INTS4: variants seen among roughly 807,000 people sequenced by gnomAD.
INTS4 encodes integrator complex subunit 4.
In INTS4, 70 loss-of-function variants were observed where a neutral mutation model predicts 119.5. The observed-to-expected ratio is 0.59, with a 90% CI of 0.48 to 0.71. INTS4 has a LOEUF of 0.71. INTS4 is among the 30% of genes least tolerant of loss of function. The probability of loss-of-function intolerance (pLI) is 0.00; values close to 1 mark genes in which losing one functional copy is unlikely to be tolerated. For synonymous variants in INTS4, 316 were observed against 419.6 expected (o/e 0.75, Z 3.02); for missense variants, 867 against 1,173.2 (o/e 0.74, Z 3.81).
At chr11:77,951,427 T>C (rs182385095) in intron 8 of INTS4, among the ~76,000 whole-genome samples, 1 of 152,316 alleles carries the variant, frequency 6.6e-6, no homozygotes, top group East Asian at 1.9e-4. Flanking sequence ...ATTCTCTATT[T>C]AATAAATGGT....
intron 22 of INTS4, among the ~76,000 whole-genome samples, chr11:77,881,760 A>G (rs777095137): frequency 6.6e-6 from 1 of 152,234 alleles, no homozygotes; most frequent in Non-Finnish European, 1.5e-5. Flanking sequence ...ATAGAAGCCT[A>G]CATCCTAATG....
intron 18 of INTS4, among the ~76,000 whole-genome samples, chr11:77,895,404 C>T (rs2136412388): frequency 6.6e-6 from 1 of 151,664 alleles, no homozygotes; most frequent in East Asian, 1.9e-4. Context: ...TATTCTTCAT[C>T]ATATATTTCC....
chr11:77,939,867 AAAC>A (rs1342268088), intron 9 of INTS4, among the ~76,000 whole-genome samples: 37 of 152,026 alleles, frequency 2.4e-4, no homozygotes, highest in Non-Finnish European at 4.9e-4. Flanking sequence ...AAAACAAAAC[AAAC>A]AAACAAACAA....
chr11:77,991,116 A>G lies in INTS4; in HGVS notation c.238T>C (p.Tyr80His). 6.2e-7 allele frequency: 1 copy of G among 1,613,552 alleles called. No homozygotes were observed. Among genetic ancestry groups the G allele is most frequent in the Non-Finnish European group, 8.5e-7 (1 of 1,179,532 alleles). The change falls in exon 2 of 23, where the codon TAT becomes CAT. Residue 80 changes from tyrosine (Y) to histidine (H), a missense_variant. By Grantham distance (83) the Tyr-to-His change is moderately conservative. This residue lies in a region of INTS4 where 224 missense variants were observed against 231.8 expected (regional missense o/e 0.97). Transcript: ENST00000534064. ...EGVVRILLEHYYKENDPSVRL... is the reference protein window; with the variant it reads ...EGVVRILLEHHYKENDPSVRL... ...CCTCAAGATTTTCTTACCTTGTAAT[A>G]ATGTTCCAAGAGAATCCTGACTACT...
intron 22 of INTS4, 22 bp downstream of exon 22, chr11:77,883,810 C>T: frequency 6.2e-7 from 1 of 1,610,212 alleles, no homozygotes; most frequent in Non-Finnish European, 8.5e-7. Context: ...TTTCCCTTCC[C>T]ACCCTGGTCC....
chr11:77,954,130 G>A (rs1380223672), intron 8 of INTS4, among the ~76,000 whole-genome samples: 1 of 152,162 alleles, frequency 6.6e-6, no homozygotes, highest in Non-Finnish European at 1.5e-5. Flanking sequence ...TAAATGTGCT[G>A]AGTCCTCAAA....
chr11:77,958,804 G>C lies in INTS4; in HGVS notation c.739C>G (p.Gln247Glu). Reference sequence around the variant, plus strand: ...AGCTGGACTGCAGCACTGCGCACTTGTTCATAGTCATCAGAGAGTAATTTA... The same window carrying C: ...AGCTGGACTGCAGCACTGCGCACTTCTTCATAGTCATCAGAGAGTAATTTA... ...ACKLLSDDYE[Q>E]VRSAAVQLIW... Residue 247 changes from glutamine to glutamate, a missense_variant, in exon 7 of 23, where the codon CAA (glutamine) becomes GAA (glutamate). Physicochemically the swap from Gln to Glu is conservative, Grantham distance 29. This residue lies in a region of INTS4 where 208 missense variants were observed against 306.6 expected (regional missense o/e 0.68). Coordinates refer to ENST00000534064, the MANE Select transcript of INTS4 (RefSeq NM_033547.4). 6.2e-7 allele frequency: 1 copy of C among 1,609,900 alleles called. No individual in the cohort carries two copies. The highest frequency in any genetic ancestry group is 1.1e-5 in the South Asian group (1 of 90,776).
intron 2 of INTS4, among the ~76,000 whole-genome samples, chr11:77,986,282 A>T (rs1856453237): frequency 6.6e-6 from 1 of 152,254 alleles, no homozygotes; most frequent in Non-Finnish European, 1.5e-5. Context: ...AATCAAAACC[A>T]CAATGAGATA....
Position 77,991,219 on chromosome 11 carries a change from T to C in INTS4, c.135A>G (p.Lys45=). The change falls in exon 2 of 23, where the codon AAA becomes AAG. Residue 45 remains lysine, a synonymous_variant. Coordinates refer to ENST00000534064, the MANE Select transcript of INTS4 (RefSeq NM_033547.4). The stretch of plus-strand genomic sequence containing the variant: ...GCAAAGCATCTGCTGGGGAGGTAGC[T>C]TTACACAGATCTATGTGGAGTGCTG... ...KSAALHIDLC[K]ATSPADALQY... The C allele has an allele frequency of 6.2e-7, 1 of 1,614,166 alleles. No homozygotes were observed. The highest frequency in any genetic ancestry group is 1.6e-4 in the Middle Eastern group (1 of 6,062).
rs541947837 is a variant in INTS4 at position 77,962,268 on chromosome 11, G to T, written c.472-1130C>A. Among the ~76,000 whole-genome samples, 31 of 152,344 alleles carry T rather than the reference G, an allele frequency of 2.0e-4. No individual in the cohort carries two copies. The South Asian group carries it at 5.0e-3, about 24-fold the overall frequency. On this transcript the variant is annotated intron_variant, in intron 4 of 22. Transcript: ENST00000534064. Reference sequence around the variant, plus strand: ...ACTGCACTCCAACCTGGATGACAGAGTGAGATACTGCCTCCAAAAAAGAAG... The same window carrying T: ...ACTGCACTCCAACCTGGATGACAGATTGAGATACTGCCTCCAAAAAAGAAG...
chr11:77,930,991 A>T (rs1953634651), intron 10 of INTS4, among the ~76,000 whole-genome samples: 1 of 152,218 alleles, frequency 6.6e-6, no homozygotes, highest in Admixed American at 6.5e-5. Flanking sequence ...AGTACTAAAG[A>T]TACAAAGATG....
chr11:77,918,718 A>C (rs1953266996), intron 15 of INTS4, 103 bp downstream of exon 15: 4 of 1,503,482 alleles, frequency 2.7e-6, no homozygotes, highest in African/African-American at 1.4e-5. Context: ...ATGTAGACCA[A>C]TAAAGTCAGA....
At chr11:77,913,149 T>A (rs1953126236) in intron 15 of INTS4, among the ~76,000 whole-genome samples, 1 of 152,142 alleles carries the variant, frequency 6.6e-6, no homozygotes, top group Admixed American at 6.5e-5. Context: ...CTATTCATAC[T>A]GAGAAATAGC....
chr11:77,893,376 C>A (rs559693520), intron 19 of INTS4, among the ~76,000 whole-genome samples: 3 of 152,222 alleles, frequency 2.0e-5, no homozygotes, highest in South Asian at 2.1e-4. Context: ...GAGGCAGAGG[C>A]AGGAGGATCT....
chr11:77,935,671 G>A (rs1005851885), intron 10 of INTS4, among the ~76,000 whole-genome samples: 4 of 151,972 alleles, frequency 2.6e-5, no homozygotes, highest in Non-Finnish European at 4.4e-5. Context: ...CGAGGTGGCC[G>A]GATTGCTTGA....
chr11:77,991,863 TTC>T (rs753691429), intron 1 of INTS4, among the ~76,000 whole-genome samples: 4 of 152,080 alleles, frequency 2.6e-5, no homozygotes, highest in Non-Finnish European at 4.4e-5. Flanking sequence ...GTTCAAATGA[TTC>T]TCTGACTGAC....
In INTS4 at chr11:77,979,096, T is replaced by A; in HGVS notation, c.371A>T (p.His124Leu). ...ATCCAGCAGTTGAGCTAGGACTTGA[T>A]GAGACTCTAGAGAGGGAGATAGAAA... Reference protein sequence around the residue: ...AINILQNEKSHQVLAQLLDTL... With the variant: ...AINILQNEKSLQVLAQLLDTL... The change falls in exon 4 of 23, where the codon CAT becomes CTT. Residue 124 changes from histidine (H) to leucine (L), a missense_variant. Around this residue, in one of 5 missense-constraint regions of INTS4, gnomAD observed 224 missense variants for 231.8 expected, o/e 0.97. Transcript: ENST00000534064. 6.2e-7 allele frequency: 1 copy of A among 1,600,878 alleles called. No homozygotes were observed. The highest frequency in any genetic ancestry group is 1.1e-5 in the South Asian group (1 of 90,790).
intron 4 of INTS4, among the ~76,000 whole-genome samples, chr11:77,967,688 T>C (rs1355879642): frequency 3.3e-5 from 5 of 152,194 alleles, no homozygotes; most frequent in Non-Finnish European, 4.4e-5. Flanking sequence ...AATTCTGTTA[T>C]ATTCTTGTCA....
chr11:77,874,419 G>A (rs1045177000), downstream of INTS4, among the ~76,000 whole-genome samples: 4 of 151,548 alleles, frequency 2.6e-5, no homozygotes, highest in Admixed American at 6.6e-5. Flanking sequence ...AGCTCTGGTG[G>A]GTGTTGAATT....
Sources: gnomAD v4.1 joint callset for allele counts (sites outside exome capture counted in the v4.1 genomes callset) on GRCh38, gnomAD v4.1.1 for gene constraint, gnomAD v4.1.1 regional missense constraint, MANE v1.5 for transcripts, NCBI Gene and HGNC (gene_info 2026-07-23, HGNC 2026-07-21) for gene names.